Variants in CCDC171 observed in about 807,000 individuals in gnomAD.
CCDC171 encodes the protein coiled-coil domain containing 171.
A neutral mutation model predicts 168.2 loss-of-function variants in CCDC171; 177 were observed. The ratio of observed to expected loss-of-function variants is 1.05; its 90% CI spans 0.93 to 1.19. The LOEUF is 1.19. CCDC171 is among the 50% of genes most tolerant of loss of function. The pLI is 0.00. For missense variants in CCDC171, 1,991 were observed against 1,539.0 expected, an observed-to-expected ratio of 1.29 and a Z score of -4.91; for synonymous variants, 687 against 540.8, an observed-to-expected ratio of 1.27 and a Z score of -3.75.
intron 4 of CCDC171, among the ~76,000 whole-genome samples, chr9:15,586,933 G>T (rs1038416174): frequency 6.6e-6 from 1 of 152,062 alleles, no homozygotes; most frequent in African/African-American, 2.4e-5. Context: ...TCAGCCTCCT[G>T]AGTAGTTAGG....
chr9:15,617,625 C>G (rs1349201542), intron 6 of CCDC171, among the ~76,000 whole-genome samples: 1 of 152,146 alleles, frequency 6.6e-6, no homozygotes, highest in Non-Finnish European at 1.5e-5. Flanking sequence ...ATCCACCCGC[C>G]TCGGCCTCCA....
At chr9:15,750,510 C>CA (rs532607929) in intron 18 of CCDC171, among the ~76,000 whole-genome samples, 240 of 152,034 alleles carry the variant, frequency 1.6e-3, no homozygotes, top group African/African-American at 5.5e-3. Flanking sequence ...AGAAATGCAA[C>CA]AAAAAAAGAG....
chr9:16,069,081 C>A, the CCDC171 span, among the ~76,000 whole-genome samples: 1 of 152,168 alleles, frequency 6.6e-6, no homozygotes, highest in East Asian at 1.9e-4. Context: ...AGGTGGACTT[C>A]CTGCCCCATG....
At chr9:15,578,824 G>A (rs371488743) in intron 3 of CCDC171, 25 bp from the exon 4 acceptor site, 5 of 1,595,938 alleles carry the variant, frequency 3.1e-6, no homozygotes, top group Non-Finnish European at 4.3e-6. Context: ...TTGGACACAT[G>A]TTGATATCAG....
intron 3 of CCDC171, among the ~76,000 whole-genome samples, chr9:15,573,296 G>C (rs2040379054): frequency 6.6e-6 from 1 of 151,946 alleles, no homozygotes; most frequent in Admixed American, 6.6e-5. Flanking sequence ...CTTTTTTTGA[G>C]ACGAAGTCTC....
chr9:15,677,628 A>C (rs898318935), intron 9 of CCDC171, among the ~76,000 whole-genome samples: 3 of 151,612 alleles, frequency 2.0e-5, no homozygotes, highest in Non-Finnish European at 1.5e-5. Context: ...TCTATAGAAA[A>C]TTTTAAATGA....
intron 24 of CCDC171, chr9:15,875,972 T>C (rs1418282922): frequency 2.0e-5 from 3 of 152,134 alleles, no homozygotes; most frequent in Admixed American, 1.3e-4. Flanking sequence ...TACAGTCTGA[T>C]TTGAGATTTT....
intron 7 of CCDC171, among the ~76,000 whole-genome samples, chr9:15,642,279 ATGTG>A (rs1245636920): frequency 3.4e-5 from 5 of 145,074 alleles, no homozygotes; most frequent in African/African-American, 1.3e-4. Flanking sequence ...ATGAACATAT[ATGTG>A]TGTGTGTATA....
At chr9:15,889,426 T>G (rs1253134892) in intron 24 of CCDC171, among the ~76,000 whole-genome samples, 3 of 152,162 alleles carry the variant, frequency 2.0e-5, no homozygotes, top group East Asian at 1.9e-4. Context: ...AGAAGCACAT[T>G]CAGTCTGTGG....
intron 10 of CCDC171, among the ~76,000 whole-genome samples, chr9:15,684,793 C>T (rs2050269378): frequency 6.6e-6 from 1 of 152,038 alleles, no homozygotes; most frequent in Non-Finnish European, 1.5e-5. Context: ...ATTTTTTAAC[C>T]AACATTGACT....
rs763505675 is a variant in CCDC171 at position 15,623,332 on chromosome 9, C to G, written c.741C>G (p.Asp247Glu). Residue 247 changes from aspartate to glutamate, a missense_variant, in exon 7 of 26, where the codon GAC becomes GAG. Physicochemically the swap from Asp to Glu is conservative, Grantham distance 45 (BLOSUM62 2). Transcript: ENST00000380701. ...KVEKLETEHM[D>E]CSDLLRRQTS... ...AAAAATTAGAAACAGAACATATGGA[C>G]TGCTCTGACCTTTTACGGCGACAAA... 16 of 1,609,504 alleles carry G rather than the reference C, an allele frequency of 9.9e-6. No homozygotes were observed. Among genetic ancestry groups the G allele is most frequent in the East Asian group, 2.2e-5 (1 of 44,774 alleles).
intron 25 of CCDC171, among the ~76,000 whole-genome samples, chr9:15,933,694 C>T (rs1465631303): frequency 1.3e-5 from 2 of 151,908 alleles, no homozygotes; most frequent in South Asian, 2.1e-4. Flanking sequence ...TTTCCATTCT[C>T]ATTTGTCTCA....
At chr9:15,728,829 G>C (rs2134310667) in intron 15 of CCDC171, among the ~76,000 whole-genome samples, 1 of 151,868 alleles carries the variant, frequency 6.6e-6, no homozygotes, top group South Asian at 2.1e-4. Flanking sequence ...GGGACAAGAA[G>C]AGAAAAACTG....
At chr9:15,638,678 TAA>T (rs966773793) in intron 7 of CCDC171, among the ~76,000 whole-genome samples, 2 of 151,766 alleles carry the variant, frequency 1.3e-5, no homozygotes, top group African/African-American at 4.8e-5. Context: ...ATATGAAACA[TAA>T]ATATAAAAGA....
At chr9:15,872,568 T>C (rs1326026480) in intron 23 of CCDC171, among the ~76,000 whole-genome samples, 1 of 152,016 alleles carries the variant, frequency 6.6e-6, no homozygotes, top group African/African-American at 2.4e-5. Flanking sequence ...CTAGTGAATT[T>C]TGTCACAGAA....
chr9:15,668,720 G>T (rs1368801422), intron 9 of CCDC171, among the ~76,000 whole-genome samples: 2 of 152,074 alleles, frequency 1.3e-5, no homozygotes, highest in Non-Finnish European at 2.9e-5. Flanking sequence ...GATGTGACTT[G>T]AGGGATCTAC....
At chr9:15,870,233 A>G (rs2061978154) in intron 23 of CCDC171, among the ~76,000 whole-genome samples, 1 of 151,852 alleles carries the variant, frequency 6.6e-6, no homozygotes, top group Non-Finnish European at 1.5e-5. Context: ...GCATAGAATG[A>G]AAAATAAAAG....
At chr9:15,913,301 C>T (rs1040378958) in intron 24 of CCDC171, among the ~76,000 whole-genome samples, 5 of 152,210 alleles carry the variant, frequency 3.3e-5, no homozygotes, top group African/African-American at 1.2e-4. Context: ...TCTAGATCTT[C>T]TAGTTTATTT....
chr9:15,883,361 T>C (rs1309588251), intron 24 of CCDC171, among the ~76,000 whole-genome samples: 1 of 152,056 alleles, frequency 6.6e-6, no homozygotes, highest in Non-Finnish European at 1.5e-5. Context: ...TGGCTGGCTC[T>C]TTTATTTTAA....
Sources: gnomAD v4.1 joint callset for allele counts (sites outside exome capture counted in the v4.1 genomes callset) on GRCh38, gnomAD v4.1.1 for gene constraint, MANE v1.5 for transcripts, NCBI Gene and HGNC (gene_info 2026-07-23, HGNC 2026-07-21) for gene names.